UQCRH: variants seen among roughly 807,000 people sequenced by gnomAD.
UQCRH encodes ubiquinol-cytochrome c reductase hinge protein.
In UQCRH, 14 loss-of-function variants were observed where a neutral mutation model predicts 16.3. The observed-to-expected ratio is 0.86, with a 90% confidence interval of 0.57 to 1.34. The LOEUF is 1.34. Ranked by LOEUF, UQCRH falls within the 40% of genes most tolerant of loss-of-function variation. UQCRH has a pLI of 0.00. For synonymous variants in UQCRH, 41 were observed against 41.9 expected (o/e 0.98, Z 0.08); for missense variants, 89 against 111.9 (o/e 0.80, Z 0.92).
chr1:46,316,253 T>A (rs1661581670), intron 3 of UQCRH, among the ~76,000 whole-genome samples: 1 of 152,196 alleles, frequency 6.6e-6, no homozygotes, highest in East Asian at 1.9e-4. Flanking sequence ...ATATGTAATG[T>A]TAATGTCACT....
intron 3 of UQCRH, among the ~76,000 whole-genome samples, chr1:46,311,405 C>G (rs1661472149): frequency 6.6e-6 from 1 of 151,018 alleles, no homozygotes; most frequent in Non-Finnish European, 1.5e-5. Flanking sequence ...CAGCGAAACC[C>G]GTCCCTACTA....
chr1:46,306,452 C>T (rs535774750), intron 1 of UQCRH, among the ~76,000 whole-genome samples: 1 of 146,950 alleles, frequency 6.8e-6, no homozygotes, highest in African/African-American at 2.5e-5. Context: ...GATCTCACTG[C>T]AACCTCTGCC....
intron 1 of UQCRH, among the ~76,000 whole-genome samples, chr1:46,305,842 G>A (rs1661363677): frequency 6.7e-6 from 1 of 149,404 alleles, no homozygotes; most frequent in Non-Finnish European, 1.5e-5. Flanking sequence ...ATCTTGCTCT[G>A]TCTCCCAGGC....
chr1:46,309,245 T>TA, intron 2 of UQCRH, 118 bp downstream of exon 2: 2 of 1,140,052 alleles, frequency 1.8e-6, no homozygotes, highest in Non-Finnish European at 2.5e-6. Flanking sequence ...GGGGGTGGAA[T>TA]AAGCTTTGAT....
At chr1:46,304,295 C>T (rs1661318722) in intron 1 of UQCRH, among the ~76,000 whole-genome samples, 1 of 152,056 alleles carries the variant, frequency 6.6e-6, no homozygotes, top group Non-Finnish European at 1.5e-5. Context: ...CGATGTGATT[C>T]TGTGATGGAA....
In UQCRH at chr1:46,303,745, G is replaced by T; in HGVS notation, c.-22G>T. 6.2e-7 allele frequency: 1 copy of T among 1,614,144 alleles called. No individual in the cohort carries two copies. The highest frequency in any genetic ancestry group is 1.1e-5 in the South Asian group (1 of 91,080). On this transcript the variant is annotated 5_prime_UTR_variant, in exon 1 of 4. Transcript: ENST00000311672. ...AGGTGCCGCTGTTGCTGCTCGTGTT[G>T]AATCTAGAACCGTAGCCAGACATGG...
intron 1 of UQCRH, among the ~76,000 whole-genome samples, chr1:46,305,206 C>T (rs536502795): frequency 6.7e-6 from 1 of 148,762 alleles, no homozygotes; most frequent in South Asian, 2.1e-4. Flanking sequence ...GTCTCAACTG[C>T]TCGGGAGTTT....
At chr1:46,304,643 C>CCAAAGTCCTGGGATTA (rs1661330510) in intron 1 of UQCRH, among the ~76,000 whole-genome samples, 1 of 152,124 alleles carries the variant, frequency 6.6e-6, no homozygotes, top group Non-Finnish European at 1.5e-5. Context: ...CCCCGGCCTC[C>CCAAAGTCCTGGGATTA]CAAAGTCCTG....
At chr1:46,310,433 G>A in intron 3 of UQCRH, 117 bp downstream of exon 3, 1 of 1,448,026 alleles carries the variant, frequency 6.9e-7, no homozygotes, top group Non-Finnish European at 9.5e-7. Context: ...CAATATATGT[G>A]ACATATGGTG....
At chr1:46,310,470 A>G (rs1661449209) in intron 3 of UQCRH, among the ~76,000 whole-genome samples, 154 bp downstream of exon 3, 1 of 152,010 alleles carries the variant, frequency 6.6e-6, no homozygotes, top group Non-Finnish European at 1.5e-5. Flanking sequence ...TAAATAACCT[A>G]TTCTATTTTA....
intron 3 of UQCRH, among the ~76,000 whole-genome samples, chr1:46,313,688 T>C (rs982467063): frequency 5.6e-5 from 8 of 143,218 alleles, no homozygotes; most frequent in African/African-American, 2.1e-4. Context: ...TAGATAGATA[T>C]AGATAACCAG....
intron 1 of UQCRH, among the ~76,000 whole-genome samples, chr1:46,305,165 A>G (rs1661343825): frequency 1.3e-5 from 2 of 151,748 alleles, no homozygotes; most frequent in Admixed American, 1.3e-4. Context: ...AAAATATAAA[A>G]ATTAGCCGGG....
At chr1:46,313,638 T>C (rs932621642) in intron 3 of UQCRH, among the ~76,000 whole-genome samples, 15 of 137,948 alleles carry the variant, frequency 1.1e-4, no homozygotes, top group African/African-American at 1.7e-4. Context: ...CAAAAAAATA[T>C]AGACAGATAG....
At chr1:46,311,090 T>TAAG (rs1262964701) in intron 3 of UQCRH, among the ~76,000 whole-genome samples, 2 of 146,414 alleles carry the variant, frequency 1.4e-5, no homozygotes, top group Admixed American at 6.8e-5. Flanking sequence ...AAAAAAAAAA[T>TAAG]AATAATAATA....
At chr1:46,309,831 CAAGT>C (rs1661435713) in intron 2 of UQCRH, 5 of 1,277,226 alleles carry the variant, frequency 3.9e-6, no homozygotes, top group Non-Finnish European at 3.0e-6. Context: ...GCTGTGTTAA[CAAGT>C]AAGGCCTCCT....
At chr1:46,313,602 C>G (rs1489930863) in intron 3 of UQCRH, among the ~76,000 whole-genome samples, 1 of 152,016 alleles carries the variant, frequency 6.6e-6, no homozygotes, top group African/African-American at 2.4e-5. Context: ...GCACTCCAGC[C>G]TGGGCGACAG....
intron 1 of UQCRH, among the ~76,000 whole-genome samples, chr1:46,304,054 G>C (rs186611656): frequency 2.6e-5 from 4 of 152,334 alleles, no homozygotes; most frequent in African/African-American, 7.2e-5. Flanking sequence ...GTGAAGGTTT[G>C]AGAGCGAAAA....
chr1:46,309,486 C>T (rs887548916), intron 2 of UQCRH: 51 of 230,996 alleles, frequency 2.2e-4, no homozygotes, highest in Middle Eastern at 1.5e-3. Flanking sequence ...GCCTGAACAA[C>T]GTAGAGAAAC....
rs1053711515 is a variant in UQCRH, at chr1:46,310,281, G to A, written c.208G>A (p.Glu70Lys). ...RSHTEEDCTE[E>K]LFDFLHARDH... ...ACATACAGAAGAGGATTGCACGGAGGAGCTCTTTGACTTCTTGCATGCGAG... is the reference window on the plus strand; with the variant it reads ...ACATACAGAAGAGGATTGCACGGAGAAGCTCTTTGACTTCTTGCATGCGAG... Residue 70 changes from glutamate to lysine, a missense_variant, in exon 3 of 4, where the codon GAG (glutamate) becomes AAG (lysine). Transcript: ENST00000311672. 18 of 1,614,028 alleles carry A rather than the reference G, an allele frequency of 1.1e-5. No individual in the cohort carries two copies. The highest frequency in any genetic ancestry group is 1.5e-5 in the Non-Finnish European group (18 of 1,180,028).
Sources: allele counts gnomAD v4.1 joint callset (sites outside exome capture counted in the v4.1 genomes callset), GRCh38; gene constraint gnomAD v4.1.1; transcripts MANE v1.5; gene names NCBI Gene and HGNC (gene_info 2026-07-23, HGNC 2026-07-21).